Variants in LSM12 observed in about 807,000 individuals in gnomAD.
LSM12 encodes LSM12 homolog, also known as protein LSM12.
For missense variants in LSM12, 108 were observed against 238.9 expected, an observed-to-expected ratio of 0.45 and a Z score of 3.61; for synonymous variants, 74 against 87.3, an observed-to-expected ratio of 0.85 and a Z score of 0.85.
intron 2 of LSM12, among the ~76,000 whole-genome samples, chr17:44,062,221 C>CAAAAAA (rs529081923): frequency 1.6e-5 from 1 of 63,894 alleles, no homozygotes; most frequent in Non-Finnish European, 2.8e-5. Context: ...GACTCCGTCT[C>CAAAAAA]AAAAAAAAAA....
At position 44,055,721 on chromosome 17, in the gene LSM12, TA is replaced by T. The variant is rs372895925; in HGVS notation, c.258+8079del. ...ATATATATAATATATAAAATATATA[TA>T]AAATATATTATATATATAATATATG... On this transcript the variant is annotated intron_variant, in intron 2 of 4. Transcript: ENST00000293406. Among the ~76,000 whole-genome samples the T allele has an allele frequency of 3.2e-3, 468 of 145,020 alleles. 20 individuals carry two copies. The East Asian group carries it at 0.08, about 25-fold the overall frequency.
intron 4 of LSM12, 80 bp downstream of exon 4, chr17:44,037,332 A>G (rs1166645589): frequency 4.8e-6 from 7 of 1,465,274 alleles, no homozygotes; most frequent in Non-Finnish European, 6.3e-6. Context: ...CTGTAGCACA[A>G]TGTCCTGGTC....
intron 2 of LSM12, among the ~76,000 whole-genome samples, chr17:44,051,032 G>C (rs1406895478): frequency 6.6e-6 from 1 of 152,106 alleles, no homozygotes; most frequent in African/African-American, 2.4e-5. Context: ...CCAACACTTT[G>C]GGAGGCTGAG....
chr17:44,063,993 CA>C, intron 1 of LSM12, 59 bp from the exon 2 acceptor site: 9 of 1,575,772 alleles, frequency 5.7e-6, no homozygotes, highest in Non-Finnish European at 7.8e-6. Flanking sequence ...TGACACATCC[CA>C]AAAGGGGCAT....
At chr17:44,053,526 G>T (rs1431604161) in intron 2 of LSM12, among the ~76,000 whole-genome samples, 1 of 152,116 alleles carries the variant, frequency 6.6e-6, no homozygotes, top group Non-Finnish European at 1.5e-5. Flanking sequence ...AGGGCAAGAG[G>T]GGTGTTTTAA....
chr17:44,036,386 C>T, intron 4 of LSM12, 86 bp from the exon 5 acceptor site: 3 of 1,544,576 alleles, frequency 1.9e-6, no homozygotes, highest in Non-Finnish European at 2.7e-6. Context: ...TCCACAGCCC[C>T]ATCCTGGCTG....
intron 2 of LSM12, among the ~76,000 whole-genome samples, chr17:44,044,859 CAT>C (rs1356462332): frequency 6.6e-6 from 1 of 152,160 alleles, no homozygotes; most frequent in African/African-American, 2.4e-5. Context: ...AATTTTCCCA[CAT>C]ATTTTTGCAA....
intron 1 of LSM12, among the ~76,000 whole-genome samples, chr17:44,065,987 G>GC (rs1176775151): frequency 6.6e-6 from 1 of 151,666 alleles, no homozygotes; most frequent in Non-Finnish European, 1.5e-5. Flanking sequence ...CCATCCCACC[G>GC]CCCTTCCTTG....
At chr17:44,063,104 GAA>G (rs2049821382) in intron 2 of LSM12, among the ~76,000 whole-genome samples, 1 of 151,838 alleles carries the variant, frequency 6.6e-6, no homozygotes, top group Non-Finnish European at 1.5e-5. Context: ...CCAATAAAAA[GAA>G]AGACTTGGGC....
intron 4 of LSM12, among the ~76,000 whole-genome samples, chr17:44,036,686 G>GA (rs2049419042): frequency 7.1e-6 from 1 of 140,376 alleles, no homozygotes; most frequent in African/African-American, 2.7e-5. Flanking sequence ...ATGTTCCTCA[G>GA]AGGAAAAAAA....
intron 2 of LSM12, among the ~76,000 whole-genome samples, chr17:44,045,262 G>C (rs1487507558): frequency 6.6e-6 from 1 of 152,034 alleles, no homozygotes; most frequent in Non-Finnish European, 1.5e-5. Context: ...TCCTGACCTC[G>C]TGATCTGCCC....
At chr17:44,065,863 C>T (rs989705433) in intron 1 of LSM12, among the ~76,000 whole-genome samples, 2 of 152,022 alleles carry the variant, frequency 1.3e-5, no homozygotes, top group Admixed American at 1.3e-4. Flanking sequence ...ATCAGCACAG[C>T]CCCCCCACCA....
chr17:44,047,978 T>C (rs1241217027), intron 2 of LSM12, among the ~76,000 whole-genome samples: 2 of 140,530 alleles, frequency 1.4e-5, no homozygotes, highest in Non-Finnish European at 3.1e-5. Context: ...GAGCCAGGGG[T>C]TCAAGACCAG....
chr17:44,057,014 G>A (rs1310828678), intron 2 of LSM12, among the ~76,000 whole-genome samples: 1 of 151,766 alleles, frequency 6.6e-6, no homozygotes, highest in African/African-American at 2.4e-5. Flanking sequence ...AAATAAGACG[G>A]ACGTGGTGGG....
At chr17:44,056,385 C>T (rs796285081) in intron 2 of LSM12, among the ~76,000 whole-genome samples, 11 of 151,908 alleles carry the variant, frequency 7.2e-5, no homozygotes, top group African/African-American at 2.7e-4. Context: ...GGGAGGATCA[C>T]TTGAGGCCAG....
Position 44,066,628 on chromosome 17 carries a change from G to C in LSM12, c.-41C>G, listed in dbSNP as rs947453850. The C allele has an allele frequency of 3.8e-6, 5 of 1,308,434 alleles. No homozygotes were observed. Among genetic ancestry groups the C allele is most frequent in the Non-Finnish European group, 2.0e-6 (2 of 1,025,504 alleles). The allele number at this position is 1,308,434 out of a possible 1,614,324, so 81.1% of individuals were successfully genotyped here. A position where few individuals can be genotyped will look rare whatever the true frequency, so the allele number is the denominator to read the frequency against. On this transcript the variant is annotated 5_prime_UTR_variant, in exon 1 of 5. Coordinates refer to ENST00000293406, the MANE Select transcript of LSM12 (RefSeq NM_001371445.1). ...GCGGCCGGCGGCGGCGGCGGCAGCA[G>C]CGGGCGAAAGCCGGGCCCCCAGTGA...
rs187059097 is a variant in LSM12, at chr17:44,038,767, T to C, written c.369-1229A>G. ...TGGCTCTTCTCAATTATCAGACAGTTGGGCACTTGCCAGACTGGGAAAACC... is the reference window on the plus strand; with the variant it reads ...TGGCTCTTCTCAATTATCAGACAGTCGGGCACTTGCCAGACTGGGAAAACC... On this transcript the variant is annotated intron_variant, in intron 3 of 4. Transcript: ENST00000293406. Among the ~76,000 whole-genome samples, 425 of 152,350 alleles carry C rather than the reference T, an allele frequency of 2.8e-3. 3 individuals carry two copies. Among genetic ancestry groups the C allele is most frequent in the South Asian group, 6.4e-3 (31 of 4,830 alleles).
chr17:44,050,102 T>C (rs2049623095), intron 2 of LSM12, among the ~76,000 whole-genome samples: 1 of 152,112 alleles, frequency 6.6e-6, no homozygotes, highest in Non-Finnish European at 1.5e-5. Context: ...TCATTCTTTT[T>C]ATTTTTATTT....
At chr17:44,054,078 G>A (rs767508646) in intron 2 of LSM12, among the ~76,000 whole-genome samples, 3 of 152,104 alleles carry the variant, frequency 2.0e-5, no homozygotes, top group African/African-American at 4.8e-5. Context: ...TATCTTTTCA[G>A]GAGGACAACA....
Sources: gnomAD v4.1 joint callset for allele counts (sites outside exome capture counted in the v4.1 genomes callset) on GRCh38, gnomAD v4.1.1 for gene constraint, MANE v1.5 for transcripts, NCBI Gene and HGNC (gene_info 2026-07-23, HGNC 2026-07-21) for gene names.